Variants in LCLAT1 observed in about 807,000 individuals in gnomAD.
The protein encoded by LCLAT1 is 1-AGP acyltransferase 8.
A neutral mutation model predicts 30.7 loss-of-function variants in LCLAT1; 11 were observed. The observed-to-expected ratio is 0.36, with a 90% CI of 0.23 to 0.59. The LOEUF is 0.59. Ranked by LOEUF, LCLAT1 falls within the 20% of genes least tolerant of loss-of-function variation. The pLI is 0.77. For missense variants in LCLAT1, 402 were observed against 458.6 expected (o/e 0.88, Z 1.13); for synonymous variants, 155 against 151.3 (o/e 1.02, Z -0.18).
chr2:30,535,247 C>T (rs1485080461), intron 3 of LCLAT1, among the ~76,000 whole-genome samples: 1 of 152,084 alleles, frequency 6.6e-6, no homozygotes, highest in Non-Finnish European at 1.5e-5. Flanking sequence ...ACAAATAATG[C>T]CATAAGTGTT....
chr2:30,599,704 CTTCT>C (rs1667091858), intron 5 of LCLAT1, among the ~76,000 whole-genome samples: 4 of 152,032 alleles, frequency 2.6e-5, no homozygotes, highest in South Asian at 2.1e-4. Context: ...ATATAATGCC[CTTCT>C]TTGTCTTTTT....
chr2:30,629,474 C>T (rs916128362), intron 5 of LCLAT1, among the ~76,000 whole-genome samples: 3 of 152,140 alleles, frequency 2.0e-5, no homozygotes, highest in Non-Finnish European at 2.9e-5. Flanking sequence ...GCAGGAGAAT[C>T]GCTTGAACCC....
At chr2:30,468,261 T>C (rs1682575468) in intron 1 of LCLAT1, among the ~76,000 whole-genome samples, 1 of 152,182 alleles carries the variant, frequency 6.6e-6, no homozygotes, top group Non-Finnish European at 1.5e-5. Flanking sequence ...GTTGTAGATG[T>C]GTGGTATTAT....
Position 30,525,572 on chromosome 2 carries a change from T to G in LCLAT1, c.-4-15T>G, listed in dbSNP as rs1022869346. ...ATGTATAGTAACAAAATATATCCTTTTTTATATCTTTCAGAATCATGGTGT... is the reference window on the plus strand; with the variant it reads ...ATGTATAGTAACAAAATATATCCTTGTTTATATCTTTCAGAATCATGGTGT... On this transcript the variant is annotated splice_polypyrimidine_tract_variant and intron_variant, in intron 1 of 5. Coordinates refer to ENST00000379509, the MANE Select transcript of LCLAT1 (RefSeq NM_001002257.3). 2 of 1,600,796 alleles carry G rather than the reference T, an allele frequency of 1.2e-6. No homozygotes were observed. Among genetic ancestry groups the G allele is most frequent in the Non-Finnish European group, 1.7e-6 (2 of 1,168,626 alleles).
At chr2:30,588,987 G>C (rs1666567539) in intron 5 of LCLAT1, among the ~76,000 whole-genome samples, 2 of 152,058 alleles carry the variant, frequency 1.3e-5, no homozygotes, top group South Asian at 4.2e-4. Flanking sequence ...AAACTTCAAA[G>C]GTTATTGAAA....
At chr2:30,509,794 C>T (rs539376146) in intron 1 of LCLAT1, among the ~76,000 whole-genome samples, 1 of 152,190 alleles carries the variant, frequency 6.6e-6, no homozygotes, top group African/African-American at 2.4e-5. Flanking sequence ...AAACTCCTGA[C>T]CTCGAATGAT....
Position 30,514,142 on chromosome 2 carries a change from T to G in LCLAT1, c.-4-11445T>G, listed in dbSNP as rs116215004. On this transcript the variant is annotated intron_variant, in intron 1 of 5. Transcript: ENST00000379509. ...GGGACTCGTTAATGGAACTAAATCT[T>G]TCATTCCTTTACTTGTAAGTACTAC... Among the ~76,000 whole-genome samples the G allele has an allele frequency of 1.8e-3, 280 of 152,354 alleles. 1 individual carries two copies. The highest frequency in any genetic ancestry group is 6.0e-3 in the African/African-American group (250 of 41,586).
At chr2:30,470,544 G>C (rs1682724902) in intron 1 of LCLAT1, among the ~76,000 whole-genome samples, 2 of 152,194 alleles carry the variant, frequency 1.3e-5, no homozygotes, top group Non-Finnish European at 2.9e-5. Flanking sequence ...CTTGGCCTAT[G>C]TGCAGGAATG....
intron 3 of LCLAT1, among the ~76,000 whole-genome samples, chr2:30,533,901 G>A (rs1366556343): frequency 1.3e-5 from 2 of 152,158 alleles, no homozygotes; most frequent in African/African-American, 4.8e-5. Flanking sequence ...TTTCAACATT[G>A]CATGTTAAAA....
chr2:30,477,823 A>G (rs986747109), intron 1 of LCLAT1, among the ~76,000 whole-genome samples: 5 of 152,202 alleles, frequency 3.3e-5, no homozygotes, highest in African/African-American at 1.2e-4. Flanking sequence ...TAATGAAAGT[A>G]GGAGGTTAGA....
At chr2:30,600,829 C>T (rs938234977) in intron 5 of LCLAT1, among the ~76,000 whole-genome samples, 59 of 152,074 alleles carry the variant, frequency 3.9e-4, no homozygotes, top group South Asian at 1.7e-3. Context: ...AATGTTGGCC[C>T]GTCTTCCTAG....
chr2:30,601,909 T>C (rs1266508242), intron 5 of LCLAT1, among the ~76,000 whole-genome samples: 3 of 150,808 alleles, frequency 2.0e-5, no homozygotes, highest in Non-Finnish European at 4.4e-5. Context: ...ATATATATAA[T>C]GTTAAACTAT....
chr2:30,505,000 GT>G (rs911420685), intron 1 of LCLAT1, among the ~76,000 whole-genome samples: 4 of 151,964 alleles, frequency 2.6e-5, no homozygotes, highest in African/African-American at 9.7e-5. Context: ...GAGCAGATCA[GT>G]TTAGAAAATA....
chr2:30,549,234 A>G (rs749193480), intron 3 of LCLAT1, among the ~76,000 whole-genome samples: 14 of 152,156 alleles, frequency 9.2e-5, no homozygotes, highest in Non-Finnish European at 2.1e-4. Context: ...TCACTTACTG[A>G]CATTAATGCA....
In LCLAT1 at chr2:30,554,152, T is replaced by G. The variant is rs570157451; in HGVS notation, c.365-7994T>G. 1.4e-4 allele frequency among the ~76,000 whole-genome samples: 22 copies of G among 152,332 alleles called. No homozygotes were observed. In the South Asian group the frequency reaches 1.7e-3, roughly 11 times the overall value. ...GTAACAAAATATTAGAAAAGTTTTA[T>G]AGCAAAACCTCATGGATATTGCTAC... On this transcript the variant is annotated intron_variant, in intron 3 of 5. Coordinates refer to ENST00000379509, the MANE Select transcript of LCLAT1 (RefSeq NM_001002257.3).
intron 5 of LCLAT1, among the ~76,000 whole-genome samples, chr2:30,585,434 C>G (rs77340334): frequency 6.6e-6 from 1 of 152,168 alleles, no homozygotes; most frequent in African/African-American, 2.4e-5. Flanking sequence ...CTTCCATTCC[C>G]TCTCTAGTCT....
intron 1 of LCLAT1, among the ~76,000 whole-genome samples, chr2:30,462,259 G>A (rs1169417490): frequency 6.6e-6 from 1 of 152,110 alleles, no homozygotes; most frequent in South Asian, 2.1e-4. Flanking sequence ...TTTCTTGGAT[G>A]GGGCACTCAG....
chr2:30,470,935 A>G (rs888556524), intron 1 of LCLAT1, among the ~76,000 whole-genome samples: 14 of 131,892 alleles, frequency 1.1e-4, no homozygotes, highest in Admixed American at 3.1e-4. Context: ...TTTTTTTGAG[A>G]CAGAGTTTTG....
intron 1 of LCLAT1, among the ~76,000 whole-genome samples, chr2:30,501,224 C>G (rs574614988): frequency 6.6e-6 from 1 of 152,078 alleles, no homozygotes; most frequent in African/African-American, 2.4e-5. Context: ...CAGTTAAAGC[C>G]TTTTTCTCTG....
Sources: gnomAD v4.1 joint callset for allele counts (sites outside exome capture counted in the v4.1 genomes callset) on GRCh38, gnomAD v4.1.1 for gene constraint, MANE v1.5 for transcripts, NCBI Gene and HGNC (gene_info 2026-07-23, HGNC 2026-07-21) for gene names.